TRDN: variants seen among roughly 807,000 people sequenced by gnomAD.
TRDN encodes triadin in skeletal muscle.
A neutral mutation model predicts 149.7 loss-of-function variants in TRDN; 161 were observed. That is an observed-to-expected ratio of 1.08 (90% CI 0.95 to 1.23). TRDN has a LOEUF of 1.23. Ranked by LOEUF, TRDN falls within the 50% of genes most tolerant of loss-of-function variation. TRDN has a pLI of 0.00. For missense variants in TRDN, 896 were observed against 823.5 expected, an observed-to-expected ratio of 1.09 and a Z score of -1.08; for synonymous variants, 294 against 250.5, an observed-to-expected ratio of 1.17 and a Z score of -1.64.
intron 10 of TRDN, among the ~76,000 whole-genome samples, chr6:123,453,585 C>A (rs1775920252): frequency 6.8e-6 from 1 of 146,458 alleles, no homozygotes; most frequent in Non-Finnish European, 1.5e-5. Flanking sequence ...CAAGAATGGC[C>A]ATAATAAAAA....
intron 1 of TRDN, among the ~76,000 whole-genome samples, chr6:123,577,428 T>C (rs550494210): frequency 6.6e-6 from 1 of 152,250 alleles, no homozygotes; most frequent in South Asian, 2.1e-4. Context: ...ATTAGTTTCC[T>C]AAAGATAATA....
At chr6:123,600,324 C>T (rs776406024) in intron 1 of TRDN, among the ~76,000 whole-genome samples, 1 of 152,010 alleles carries the variant, frequency 6.6e-6, no homozygotes, top group African/African-American at 2.4e-5. Flanking sequence ...AGCTAAGCCC[C>T]CAGAGGGTCT....
intron 21 of TRDN, chr6:123,352,072 C>G: frequency 1.0e-6 from 1 of 961,678 alleles, no homozygotes; most frequent in Non-Finnish European, 1.2e-6. Context: ...TAGTATATAT[C>G]ATAATATACT....
intron 24 of TRDN, among the ~76,000 whole-genome samples, chr6:123,305,924 T>G (rs1778591576): frequency 6.6e-6 from 1 of 152,176 alleles, no homozygotes; most frequent in Non-Finnish European, 1.5e-5. Flanking sequence ...CATAAACTAC[T>G]ACTCAGTGGC....
intron 4 of TRDN, among the ~76,000 whole-genome samples, chr6:123,546,565 C>T (rs1353716437): frequency 2.0e-5 from 3 of 152,078 alleles, no homozygotes; most frequent in Non-Finnish European, 4.4e-5. Flanking sequence ...TGTTTTAAGT[C>T]TGGCTTGAAT....
intron 31 of TRDN, among the ~76,000 whole-genome samples, chr6:123,269,396 A>G (rs1315866573): frequency 6.6e-6 from 1 of 152,074 alleles, no homozygotes; most frequent in Non-Finnish European, 1.5e-5. Flanking sequence ...ACAAATTAAA[A>G]ACAGTATATG....
chr6:123,258,875 T>C (rs2114584979), intron 35 of TRDN, among the ~76,000 whole-genome samples: 1 of 152,290 alleles, frequency 6.6e-6, no homozygotes. Flanking sequence ...GGAGGGTGTG[T>C]GTATCCAGAA....
chr6:123,628,090 A>G (rs1785772605), intron 1 of TRDN, among the ~76,000 whole-genome samples: 2 of 152,114 alleles, frequency 1.3e-5, no homozygotes, highest in Admixed American at 6.6e-5. Context: ...AGCACTTTTA[A>G]TTTCCTTCAA....
intron 1 of TRDN, among the ~76,000 whole-genome samples, chr6:123,605,370 A>G (rs1784482801): frequency 1.3e-5 from 2 of 151,146 alleles, no homozygotes; most frequent in African/African-American, 2.4e-5. Flanking sequence ...TCCTCTGAAC[A>G]TATTGGAGAG....
chr6:123,223,332 T>C (rs568880958), intron 39 of TRDN, among the ~76,000 whole-genome samples: 18 of 151,738 alleles, frequency 1.2e-4, no homozygotes, highest in African/African-American at 3.6e-4. Context: ...AAATAACTAA[T>C]GGATGGCAGG....
Position 123,420,169 on chromosome 6 carries a change from C to A in TRDN, c.1051+17894G>T, listed in dbSNP as rs535852235. On this transcript the variant is annotated intron_variant, in intron 12 of 40. Coordinates refer to ENST00000334268, the MANE Select transcript of TRDN (RefSeq NM_006073.4). ...GGGCTTTAATAAACAAAATTACAAT[C>A]ATCTTAAATGATCTAATTGCTATTT... Among the ~76,000 whole-genome samples the A allele has an allele frequency of 4.6e-5, 7 of 152,260 alleles. No individual in the cohort carries two copies. In the South Asian group the frequency reaches 1.0e-3, roughly 23 times the overall value.
At chr6:123,436,308 A>G (rs1774559719) in intron 12 of TRDN, among the ~76,000 whole-genome samples, 1 of 152,120 alleles carries the variant, frequency 6.6e-6, no homozygotes, top group African/African-American at 2.4e-5. Flanking sequence ...AAAGTTTTAA[A>G]AGAAAATGAG....
At chr6:123,364,496 G>T (rs1454373943) in intron 20 of TRDN, among the ~76,000 whole-genome samples, 1 of 152,076 alleles carries the variant, frequency 6.6e-6, no homozygotes, top group African/African-American at 2.4e-5. Flanking sequence ...AATTAGCTGG[G>T]CGTGATGGTG....
At chr6:123,463,934 G>A (rs890236498) in intron 10 of TRDN, among the ~76,000 whole-genome samples, 3 of 152,156 alleles carry the variant, frequency 2.0e-5, no homozygotes, top group African/African-American at 7.2e-5. Flanking sequence ...AGCTGAGTGG[G>A]AAGATCTTGA....
At chr6:123,474,372 C>A (rs556786749) in intron 9 of TRDN, among the ~76,000 whole-genome samples, 1 of 152,196 alleles carries the variant, frequency 6.6e-6, no homozygotes, top group South Asian at 2.1e-4. Context: ...GTAAAGGGAG[C>A]TAACTATCCT....
At chr6:123,446,584 CAAA>C (rs572029827) in intron 10 of TRDN, among the ~76,000 whole-genome samples, 71 of 61,084 alleles carry the variant, frequency 1.2e-3, no homozygotes, top group Non-Finnish European at 1.7e-3. Flanking sequence ...GATTCCATCT[CAAA>C]AAAAAAAAAA....
At chr6:123,486,252 T>TC (rs982657316) in intron 9 of TRDN, among the ~76,000 whole-genome samples, 2 of 148,222 alleles carry the variant, frequency 1.3e-5, no homozygotes, top group African/African-American at 2.4e-5. Context: ...TGGTGTAACT[T>TC]CTTTTTTTTT....
At chr6:123,628,770 A>C (rs956260177) in intron 1 of TRDN, among the ~76,000 whole-genome samples, 2 of 152,132 alleles carry the variant, frequency 1.3e-5, no homozygotes, top group African/African-American at 4.8e-5. Context: ...ACCTTTTATC[A>C]TTCATTTTTG....
At chr6:123,505,455 C>T (rs1015553750) in intron 7 of TRDN, among the ~76,000 whole-genome samples, 1 of 151,902 alleles carries the variant, frequency 6.6e-6, no homozygotes, top group Non-Finnish European at 1.5e-5. Flanking sequence ...GCCAGCACTT[C>T]CCAAAACACT....
Sources: allele counts gnomAD v4.1 joint callset (sites outside exome capture counted in the v4.1 genomes callset), GRCh38; gene constraint gnomAD v4.1.1; transcripts MANE v1.5; gene names NCBI Gene and HGNC (gene_info 2026-07-23, HGNC 2026-07-21).